The following HUNK variants were observed in gnomAD, a reference collection of about 807,000 sequenced individuals.
HUNK encodes hormonally up-regulated neu tumor-associated kinase.
Under a neutral mutation model 61.0 loss-of-function variants are expected in HUNK, and 21 were observed. That is an observed-to-expected ratio of 0.34 (90% CI 0.24 to 0.50). HUNK has a LOEUF of 0.50. Ranked by LOEUF, HUNK falls within the 20% of genes least tolerant of loss-of-function variation. HUNK has a pLI of 0.98. For synonymous variants in HUNK, 371 were observed against 386.1 expected (o/e 0.96, Z 0.46); for missense variants, 772 against 945.7 (o/e 0.82, Z 2.41).
chr21:31,900,479 A>ACACACACACACT (rs57151018), intron 1 of HUNK, among the ~76,000 whole-genome samples: 2 of 151,480 alleles, frequency 1.3e-5, no homozygotes, highest in Admixed American at 6.6e-5. Context: ...ACACACACAC[A>ACACACACACACT]AACTCTACTG....
chr21:31,966,388 A>AAGAATTTG (rs1406885660), intron 5 of HUNK, among the ~76,000 whole-genome samples: 1 of 152,200 alleles, frequency 6.6e-6, no homozygotes. Flanking sequence ...GCTGCTATAA[A>AAGAATTTG]CATGTGTGCA....
chr21:31,976,459 CTTTTTTTTT>C (rs34950116), intron 7 of HUNK, among the ~76,000 whole-genome samples: 78 of 63,632 alleles, frequency 1.2e-3, no homozygotes, highest in Non-Finnish European at 1.9e-3. Flanking sequence ...TTTTTTGAGA[CTTTTTTTTT>C]TTTTTTTTTT....
chr21:31,916,094 A>AGGC (rs960615522), intron 1 of HUNK, among the ~76,000 whole-genome samples: 69 of 111,116 alleles, frequency 6.2e-4, no homozygotes, highest in Non-Finnish European at 9.2e-4. Flanking sequence ...TCTGTCGCCC[A>AGGC]GGCTGGAGTG....
chr21:31,903,428 A>C (rs1417898128), intron 1 of HUNK, among the ~76,000 whole-genome samples: 1 of 152,098 alleles, frequency 6.6e-6, no homozygotes, highest in Non-Finnish European at 1.5e-5. Context: ...TAGTCATTGG[A>C]ATAGTAAAAA....
chr21:31,948,230 G>T (rs1405938549), intron 4 of HUNK, among the ~76,000 whole-genome samples: 2 of 152,178 alleles, frequency 1.3e-5, no homozygotes, highest in Non-Finnish European at 2.9e-5. Flanking sequence ...CTCGCTGAAG[G>T]CATGCCCGCT....
rs1218163088 is a variant in HUNK at position 32,000,330 on chromosome 21, C to T, written c.*1146C>T. On this transcript the variant is annotated 3_prime_UTR_variant, in exon 11 of 11. Coordinates refer to ENST00000270112, the MANE Select transcript of HUNK (RefSeq NM_014586.2). ...TTCAGATACAGGCCAGTTTCTTCTT[C>T]GAGGAAAGCCAAGCTCCTCAAACAG... The T allele has an allele frequency of 3.3e-5, 13 of 398,898 alleles. No homozygotes were observed. The highest frequency in any genetic ancestry group is 6.2e-4 in the Middle Eastern group (1 of 1,612). 24.7% of individuals were successfully genotyped at this position (398,898 alleles called of 1,614,324 possible).
chr21:31,874,994 C>T (rs2052249220), intron 1 of HUNK, among the ~76,000 whole-genome samples: 1 of 152,200 alleles, frequency 6.6e-6, no homozygotes, highest in African/African-American at 2.4e-5. Flanking sequence ...CTGGAGCTGT[C>T]CCAAGCTCCT....
At chr21:31,966,722 G>C (rs1327562689) in intron 5 of HUNK, among the ~76,000 whole-genome samples, 2 of 152,154 alleles carry the variant, frequency 1.3e-5, no homozygotes, top group Admixed American at 1.3e-4. Context: ...ACATTTTATG[G>C]CTTCTCCTTG....
intron 7 of HUNK, among the ~76,000 whole-genome samples, chr21:31,978,505 T>C (rs769189300): frequency 5.9e-5 from 9 of 152,216 alleles, no homozygotes. Flanking sequence ...CTTCAGCCTC[T>C]GGTAACCATC....
At chr21:31,937,103 G>A (rs954529054) in intron 2 of HUNK, among the ~76,000 whole-genome samples, 2 of 152,126 alleles carry the variant, frequency 1.3e-5, no homozygotes, top group African/African-American at 4.8e-5. Context: ...TGTGTGTTTC[G>A]GAATTACTGT....
Position 31,998,665 on chromosome 21 carries a change from C to T in HUNK, c.1626C>T (p.Pro542=), listed in dbSNP as rs1231832954. 8 of 1,614,050 alleles carry T rather than the reference C, an allele frequency of 5.0e-6. No individual in the cohort carries two copies. The highest frequency in any genetic ancestry group is 1.6e-4 in the Middle Eastern group (1 of 6,084). Reference sequence around the variant, plus strand: ...AACCGGAGCCCCATCAGCCAGGGCCCGGAAGCACTGGCATCCCCCACAAGG... The same window carrying T: ...AACCGGAGCCCCATCAGCCAGGGCCTGGAAGCACTGGCATCCCCCACAAGG... ...VKKPEPHQPG[P]GSTGIPHKED... The change falls in exon 11 of 11, where the codon CCC becomes CCT. Residue 542 remains proline, a synonymous_variant. Transcript: ENST00000270112.
intron 7 of HUNK, among the ~76,000 whole-genome samples, 176 bp from the exon 8 acceptor site, chr21:31,983,350 A>G (rs1381166200): frequency 6.6e-6 from 1 of 152,200 alleles, no homozygotes. Flanking sequence ...GGCTCTCCCC[A>G]CACTGCAACC....
intron 9 of HUNK, among the ~76,000 whole-genome samples, chr21:31,991,289 GCTAA>G (rs2053170603): frequency 6.6e-6 from 1 of 151,998 alleles, no homozygotes. Flanking sequence ...TGTGATCTTG[GCTAA>G]CTATAAACTC....
chr21:31,994,295 A>T (rs932514132), intron 9 of HUNK, among the ~76,000 whole-genome samples: 1 of 152,220 alleles, frequency 6.6e-6, no homozygotes, highest in African/African-American at 2.4e-5. Flanking sequence ...TCACAGTGGC[A>T]CTTGCCACGA....
intron 1 of HUNK, among the ~76,000 whole-genome samples, chr21:31,885,345 G>C (rs2052338504): frequency 6.6e-6 from 1 of 152,216 alleles, no homozygotes; most frequent in African/African-American, 2.4e-5. Context: ...CCTCTGAGGA[G>C]CAGCCTTGGT....
rs1362222081 is a variant in HUNK at position 31,924,164 on chromosome 21, C to T, written c.262-304C>T. On this transcript the variant is annotated intron_variant, in intron 1 of 10. Transcript: ENST00000270112. This position sits in a 1 kb window ranked among gnomAD's most constrained non-coding sequence, Gnocchi z 5.1. Reference sequence around the variant, plus strand: ...GTAGAAAAATAAATTTGACATTAATCCTGCACTGTGCCTTCCAGACAGCCA... The same window carrying T: ...GTAGAAAAATAAATTTGACATTAATTCTGCACTGTGCCTTCCAGACAGCCA... 6.6e-6 allele frequency among the ~76,000 whole-genome samples: 1 copy of T among 152,132 alleles called. No individual in the cohort carries two copies. Among genetic ancestry groups the T allele is most frequent in the Non-Finnish European group, 1.5e-5 (1 of 68,032 alleles).
intron 1 of HUNK, among the ~76,000 whole-genome samples, chr21:31,894,687 C>G (rs1368494893): frequency 1.3e-5 from 2 of 152,174 alleles, no homozygotes; most frequent in East Asian, 3.9e-4. Flanking sequence ...CCCCTCTGGG[C>G]AGCCCAGTTG....
chr21:32,000,511 A>G lies in HUNK; in HGVS notation c.*1327A>G, dbSNP rs2053239217. The G allele has an allele frequency of 2.5e-6, 1 of 399,178 alleles. No individual in the cohort carries two copies. Among genetic ancestry groups the G allele is most frequent in the East Asian group, 3.6e-5 (1 of 28,076 alleles). The allele number at this position is 399,178 out of a possible 1,614,324, so 24.7% of individuals were successfully genotyped here. ...TTGACAGGGTGCAGTCATTGGTGAG[A>G]AGAATCAGAAAAAGAAGACCCATCA... On this transcript the variant is annotated 3_prime_UTR_variant, in exon 11 of 11. Coordinates refer to ENST00000270112, the MANE Select transcript of HUNK (RefSeq NM_014586.2).
chr21:31,933,912 T>C (rs1242149045), intron 2 of HUNK, among the ~76,000 whole-genome samples: 1 of 151,900 alleles, frequency 6.6e-6, no homozygotes, highest in Non-Finnish European at 1.5e-5. Flanking sequence ...GTTAATCAGA[T>C]CAAGGACCAT....
Sources: gnomAD v4.1 joint callset for allele counts (sites outside exome capture counted in the v4.1 genomes callset) on GRCh38, gnomAD v4.1.1 for gene constraint, Gnocchi (gnomAD v3.1) non-coding constraint, MANE v1.5 for transcripts, NCBI Gene and HGNC (gene_info 2026-07-23, HGNC 2026-07-21) for gene names.